CNTNAP4: variants seen among roughly 807,000 people sequenced by gnomAD.
CNTNAP4 encodes the protein contactin-associated protein-like 4.
Under a neutral mutation model 148.4 loss-of-function variants are expected in CNTNAP4, and 98 were observed. That is an observed-to-expected ratio of 0.66 (90% confidence interval 0.56 to 0.78). CNTNAP4 has a LOEUF of 0.78. Ranked by LOEUF, CNTNAP4 falls within the 30% of genes least tolerant of loss-of-function variation. CNTNAP4 has a pLI of 0.00. For synonymous variants in CNTNAP4, 730 were observed against 565.1 expected (o/e 1.29, Z -4.14); for missense variants, 1,935 against 1,565.6 (o/e 1.24, Z -3.98).
In CNTNAP4 at chr16:76,516,799, C is replaced by G. The variant is rs143027133; in HGVS notation, c.2366-4341C>G. On this transcript the variant is annotated intron_variant, in intron 15 of 23. Coordinates refer to ENST00000611870, the MANE Select transcript of CNTNAP4 (RefSeq NM_033401.5). ...TAATTCTGGGCCAGAAGTGGTGGCT[C>G]ACGCCTGTAATCCCAGCACTTTGGG... Among the ~76,000 whole-genome samples the G allele has an allele frequency of 5.9e-3, 897 of 152,334 alleles. 4 individuals carry two copies. Among genetic ancestry groups the G allele is most frequent in the African/African-American group, 0.018 (751 of 41,572 alleles).
At chr16:76,304,780 G>A (rs1299257533) in intron 1 of CNTNAP4, among the ~76,000 whole-genome samples, 1 of 152,112 alleles carries the variant, frequency 6.6e-6, no homozygotes, top group African/African-American at 2.4e-5. Flanking sequence ...TAATTGTTTG[G>A]TTCTGCAATT....
At chr16:76,522,696 C>CTT (rs760832547) in intron 17 of CNTNAP4, among the ~76,000 whole-genome samples, 1 of 26,200 alleles carries the variant, frequency 3.8e-5, no homozygotes, top group Non-Finnish European at 6.7e-5. Context: ...CCTTTCTTTT[C>CTT]TTTTCTTTTC....
intron 4 of CNTNAP4, among the ~76,000 whole-genome samples, chr16:76,432,224 C>T (rs2079637418): frequency 6.6e-6 from 1 of 152,090 alleles, no homozygotes; most frequent in South Asian, 2.1e-4. Context: ...TTGCTGAAGT[C>T]ATAGATGCAA....
At chr16:76,334,940 A>G (rs546387286) in intron 2 of CNTNAP4, among the ~76,000 whole-genome samples, 2 of 152,086 alleles carry the variant, frequency 1.3e-5, no homozygotes, top group East Asian at 3.9e-4. Context: ...AACCAGATGG[A>G]AAGGTTGAAT....
chr16:76,520,128 A>G (rs1303847960), intron 15 of CNTNAP4, among the ~76,000 whole-genome samples: 3 of 152,118 alleles, frequency 2.0e-5, no homozygotes, highest in Admixed American at 1.3e-4. Flanking sequence ...AAAACTAAAG[A>G]TGTATATTCG....
chr16:76,493,256 T>C (rs1244206139), intron 13 of CNTNAP4, among the ~76,000 whole-genome samples: 3 of 152,150 alleles, frequency 2.0e-5, no homozygotes, highest in African/African-American at 7.2e-5. Context: ...CAAGTGATAA[T>C]GATGCCATAT....
chr16:76,449,357 G>C (rs1228017471), intron 6 of CNTNAP4, among the ~76,000 whole-genome samples: 1 of 152,116 alleles, frequency 6.6e-6, no homozygotes. Flanking sequence ...TAATTCATTA[G>C]CAATGGATTC....
chr16:76,549,668 A>ATT (rs34091775), intron 21 of CNTNAP4, among the ~76,000 whole-genome samples: 1 of 151,854 alleles, frequency 6.6e-6, no homozygotes, highest in African/African-American at 2.4e-5. Flanking sequence ...AAAAAATATG[A>ATT]TTTTTTTTCC....
chr16:76,327,131 T>G (rs1963070293), intron 2 of CNTNAP4, among the ~76,000 whole-genome samples: 2 of 152,184 alleles, frequency 1.3e-5, no homozygotes, highest in African/African-American at 4.8e-5. Flanking sequence ...GCTCAGGTTT[T>G]GGGTATGACT....
intron 3 of CNTNAP4, among the ~76,000 whole-genome samples, chr16:76,374,800 C>G (rs1178559405): frequency 6.7e-6 from 1 of 150,350 alleles, no homozygotes; most frequent in Non-Finnish European, 1.5e-5. Flanking sequence ...AGAAGTCTCG[C>G]TCTTGTCCCC....
At chr16:76,425,061 T>A (rs137887089) in intron 3 of CNTNAP4, among the ~76,000 whole-genome samples, 1 of 152,030 alleles carries the variant, frequency 6.6e-6, no homozygotes. Flanking sequence ...CAGTAAAAAA[T>A]TTTGACCAGT....
At chr16:76,554,246 C>A (rs149002150) in intron 23 of CNTNAP4, among the ~76,000 whole-genome samples, 6 of 152,094 alleles carry the variant, frequency 3.9e-5, no homozygotes, top group Non-Finnish European at 8.8e-5. Flanking sequence ...GAGTAAATTT[C>A]GTTTTTCTTC....
chr16:76,451,751 C>G (rs2080490144), intron 7 of CNTNAP4, among the ~76,000 whole-genome samples: 1 of 151,780 alleles, frequency 6.6e-6, no homozygotes, highest in Non-Finnish European at 1.5e-5. Context: ...TAAGATCAAG[C>G]TGCAGGTTAA....
At position 76,559,282 on chromosome 16, in the gene CNTNAP4, G is replaced by C. The variant is rs1396725284; in HGVS notation, c.*599G>C. 1 of 151,960 alleles carries C rather than the reference G, an allele frequency of 6.6e-6. No homozygotes were observed. Among genetic ancestry groups the C allele is most frequent in the African/African-American group, 2.4e-5 (1 of 41,358 alleles). The allele number at this position is 151,960 out of a possible 1,614,324, so 9.4% of individuals were successfully genotyped here. ...GTTTGTATTGCTCATTATTCTATTTGTCTCTTCTTAATAATGTTGAATACA... is the reference window on the plus strand; with the variant it reads ...GTTTGTATTGCTCATTATTCTATTTCTCTCTTCTTAATAATGTTGAATACA... On this transcript the variant is annotated 3_prime_UTR_variant, in exon 24 of 24. Transcript: ENST00000611870.
At chr16:76,456,360 T>C (rs2080731195) in intron 8 of CNTNAP4, among the ~76,000 whole-genome samples, 1 of 152,246 alleles carries the variant, frequency 6.6e-6, no homozygotes, top group Admixed American at 6.5e-5. Flanking sequence ...TGATTAAATA[T>C]CTTTGTAAAC....
Position 76,479,625 on chromosome 16 carries a change from C to A in CNTNAP4, c.1882+87C>A, listed in dbSNP as rs116795413. The A allele has an allele frequency of 9.5e-4, 1,306 of 1,370,348 alleles. 11 individuals are homozygous for A. In the African/African-American group the frequency reaches 0.017, roughly 18 times the overall value. The allele number at this position is 1,370,348 out of a possible 1,614,324, so 84.9% of individuals were successfully genotyped here. A position where few individuals can be genotyped will look rare whatever the true frequency, so the allele number is the denominator to read the frequency against. The stretch of plus-strand genomic sequence containing the variant: ...TAAAATGAAATAAGCAGAATGTTGA[C>A]GTAATTTGCAACTTGATTAAAATAT... On this transcript the variant is annotated intron_variant, in intron 12 of 23. Transcript: ENST00000611870.
At chr16:76,527,533 G>A (rs1018585210) in intron 17 of CNTNAP4, among the ~76,000 whole-genome samples, 6 of 152,148 alleles carry the variant, frequency 3.9e-5, no homozygotes, top group Non-Finnish European at 8.8e-5. Context: ...ATCTGGATAT[G>A]GGGCAAATGA....
chr16:76,349,072 C>T (rs1206473779), intron 2 of CNTNAP4, among the ~76,000 whole-genome samples: 1 of 152,040 alleles, frequency 6.6e-6, no homozygotes, highest in African/African-American at 2.4e-5. Flanking sequence ...AACTAGAAAG[C>T]ACGGCAAACA....
In CNTNAP4 at chr16:76,344,913, G is replaced by C. The variant is rs146459717; in HGVS notation, c.197-10405G>C. Among the ~76,000 whole-genome samples, 141 of 152,260 alleles carry C rather than the reference G, an allele frequency of 9.3e-4. 1 individual carries two copies. The highest frequency in any genetic ancestry group is 6.8e-3 in the Middle Eastern group (2 of 294). On this transcript the variant is annotated intron_variant, in intron 2 of 23. Transcript: ENST00000611870. ...GATGTCATGGCACGGTTAGATGGGG[G>C]CTCCCCTGGCTAATGTTGGTTATTT...
Sources: allele counts gnomAD v4.1 joint callset (sites outside exome capture counted in the v4.1 genomes callset), GRCh38; gene constraint gnomAD v4.1.1; transcripts MANE v1.5; gene names NCBI Gene and HGNC (gene_info 2026-07-23, HGNC 2026-07-21).